Variants in SACS observed in about 807,000 individuals in gnomAD.
SACS encodes the protein sacsin.
Under a neutral mutation model 348.0 loss-of-function variants are expected in SACS, and 197 were observed. The ratio of observed to expected loss-of-function variants is 0.57; its 90% CI spans 0.50 to 0.64. The LOEUF is 0.64. Among genes scored for constraint, SACS ranks in the 30% least tolerant of loss-of-function variants. The probability of loss-of-function intolerance (pLI) is 0.00; values close to 1 mark genes in which losing one functional copy is unlikely to be tolerated. For synonymous variants in SACS, 1,985 were observed against 1,910.6 expected, an observed-to-expected ratio of 1.04 and a Z score of -1.02; for missense variants, 4,999 against 5,360.8, an observed-to-expected ratio of 0.93 and a Z score of 2.11.
intron 9 of SACS, among the ~76,000 whole-genome samples, chr13:23,342,771 C>T (rs1869351434): frequency 6.6e-6 from 1 of 152,220 alleles, no homozygotes; most frequent in South Asian, 2.1e-4. Flanking sequence ...GTCTCAGTTG[C>T]AGCTGACCAG....
At chr13:23,377,626 G>A (rs935893260) in intron 2 of SACS, among the ~76,000 whole-genome samples, 7 of 152,062 alleles carry the variant, frequency 4.6e-5, no homozygotes, top group African/African-American at 1.7e-4. Flanking sequence ...ATTCGCTCTC[G>A]GAGCTCTCCT....
At chr13:23,400,687 TGTGATTACAGGC>T (rs1872936378) in intron 2 of SACS, among the ~76,000 whole-genome samples, 1 of 152,248 alleles carries the variant, frequency 6.6e-6, no homozygotes, top group Non-Finnish European at 1.5e-5. Flanking sequence ...CCCAAAGTGC[TGTGATTACAGGC>T]GTGAGCCACC....
Position 23,338,476 on chromosome 13 carries a change from T to C in SACS, c.5400A>G (p.Gln1800=). The change falls in exon 10 of 10, where the codon CAA becomes CAG. Residue 1800 remains glutamine (Q), a synonymous_variant. Transcript: ENST00000382292. ...ACAACTCATCTGATGGCTTTTTTGA[T>C]TGGCCAGACTTAGCCATTTCAAAGA... is the stretch of plus-strand genomic sequence containing the variant. The part of the protein sequence containing the change: ...AALFEMAKSG[Q]SKKPSDELSQ... 6.2e-7 allele frequency: 1 copy of C among 1,614,188 alleles called. No individual in the cohort carries two copies. Among genetic ancestry groups the C allele is most frequent in the African/African-American group, 1.3e-5 (1 of 75,058 alleles).
chr13:23,329,713 C>A lies in SACS; in HGVS notation c.*423G>T. ...ATCCACTTAAAAAAATGACAGACTA[C>A]AAAGACTTAATTCCCCTTATGTTTA... is the stretch of plus-strand genomic sequence containing the variant. On this transcript the variant is annotated 3_prime_UTR_variant, in exon 10 of 10. Transcript: ENST00000382292. 1 of 509,936 alleles carries A rather than the reference C, an allele frequency of 2.0e-6. No homozygotes were observed. The highest frequency in any genetic ancestry group is 3.4e-6 in the Non-Finnish European group (1 of 292,828). 31.6% of individuals were successfully genotyped at this position (509,936 alleles called of 1,614,324 possible).
At chr13:23,430,509 A>G (rs1182805281) in intron 1 of SACS, among the ~76,000 whole-genome samples, 1 of 152,192 alleles carries the variant, frequency 6.6e-6, no homozygotes, top group Non-Finnish European at 1.5e-5. Context: ...TTGTAATCCT[A>G]TCAGGGTTTT....
In SACS at chr13:23,331,045, A is replaced by C. The variant is rs1298221924; in HGVS notation, c.12831T>G (p.Pro4277=). 8.7e-6 allele frequency: 14 copies of C among 1,613,964 alleles called. No homozygotes were observed. In the Admixed American group the frequency reaches 2.3e-4, roughly 27 times the overall value. ...GGCTCTCTCTACCAGAGAAAAGAGG[A>C]GGAATGCTTCTCAGGCCAGGGGTGA... is the stretch of plus-strand genomic sequence containing the variant. ...EFLTPGLRSI[P]PLFSGRESHK... Residue 4277 remains proline (P), a synonymous_variant, in exon 10 of 10, where the codon CCT becomes CCG. Transcript: ENST00000382292.
intron 6 of SACS, among the ~76,000 whole-genome samples, chr13:23,359,995 A>AGTGGG (rs1321376183): frequency 6.6e-6 from 1 of 152,202 alleles, no homozygotes; most frequent in African/African-American, 2.4e-5. Context: ...TGTGGAGTGG[A>AGTGGG]GTGGGGACTC....
intron 2 of SACS, among the ~76,000 whole-genome samples, chr13:23,392,307 A>G (rs1042554552): frequency 3.3e-5 from 5 of 152,214 alleles, no homozygotes; most frequent in Admixed American, 6.5e-5. Flanking sequence ...GAGGGATGAC[A>G]GTGGCAAAAA....
At chr13:23,393,437 C>G (rs1464550271) in intron 2 of SACS, among the ~76,000 whole-genome samples, 1 of 152,128 alleles carries the variant, frequency 6.6e-6, no homozygotes, top group Non-Finnish European at 1.5e-5. Flanking sequence ...AGCCCACGTC[C>G]TCCCCTGTCC....
intron 9 of SACS, among the ~76,000 whole-genome samples, chr13:23,345,419 A>G (rs927642805): frequency 1.3e-5 from 2 of 152,236 alleles, no homozygotes; most frequent in Non-Finnish European, 2.9e-5. Flanking sequence ...GGCCCAGCAT[A>G]AAAGTCCAGC....
chr13:23,420,518 G>C lies in SACS; in HGVS notation c.-501-8778C>G, dbSNP rs893216509. On this transcript the variant is annotated intron_variant, in intron 1 of 9. Transcript: ENST00000382292. ...CTAAAGTCTACCTAGAATCCAGTGT[G>C]TACCTTGGGCCTAATGTCCACCTGT... Among the ~76,000 whole-genome samples, 8 of 151,112 alleles carry C rather than the reference G, an allele frequency of 5.3e-5. No homozygotes were observed. In the East Asian group the frequency reaches 1.6e-3, roughly 30 times the overall value.
chr13:23,366,663 C>G (rs1475129937), intron 5 of SACS, among the ~76,000 whole-genome samples: 1 of 152,110 alleles, frequency 6.6e-6, no homozygotes, highest in African/African-American at 2.4e-5. Context: ...CTTTAGGGAG[C>G]AGAGAGGCAG....
chr13:23,349,707 T>C (rs931902697), intron 9 of SACS, among the ~76,000 whole-genome samples: 4 of 152,142 alleles, frequency 2.6e-5, no homozygotes, highest in African/African-American at 9.7e-5. Flanking sequence ...TTTTCTGTAA[T>C]CAAATCCTGG....
Position 23,350,808 on chromosome 13 carries a change from A to G in SACS, c.2185+2977T>C, listed in dbSNP as rs186895336. 1.4e-3 allele frequency among the ~76,000 whole-genome samples: 211 copies of G among 152,282 alleles called. 1 individual carries two copies. The highest frequency in any genetic ancestry group is 4.9e-3 in the African/African-American group (204 of 41,558). On this transcript the variant is annotated intron_variant, in intron 9 of 9. Coordinates refer to ENST00000382292, the MANE Select transcript of SACS (RefSeq NM_014363.6). ...TCTCCTGTACTCACTAATTCCCCCAATAGGCCCCATACCACCAGAAAGCAA... is the reference window on the plus strand; with the variant it reads ...TCTCCTGTACTCACTAATTCCCCCAGTAGGCCCCATACCACCAGAAAGCAA...
At position 23,332,497 on chromosome 13, in the gene SACS, C is replaced by G. The variant is rs754896709; in HGVS notation, c.11379G>C (p.Gly3793=). The part of the protein sequence containing the change: ...EKREFRFQLR[G]VAFVMVEDGW... ...CATCTTCTACCATCACAAAAGCAACCCCTCGCAACTGAAAACGAAATTCCC... is the reference window on the plus strand; with the variant it reads ...CATCTTCTACCATCACAAAAGCAACGCCTCGCAACTGAAAACGAAATTCCC... The change falls in exon 10 of 10, where the codon GGG becomes GGC. Residue 3793 remains glycine (G), a synonymous_variant. Coordinates refer to ENST00000382292, the MANE Select transcript of SACS (RefSeq NM_014363.6). 6.2e-7 allele frequency: 1 copy of G among 1,613,956 alleles called. No individual in the cohort carries two copies. Among genetic ancestry groups the G allele is most frequent in the Non-Finnish European group, 8.5e-7 (1 of 1,179,892 alleles).
intron 9 of SACS, among the ~76,000 whole-genome samples, chr13:23,343,007 A>AATAAT (rs1869366163): frequency 6.6e-6 from 1 of 152,208 alleles, no homozygotes; most frequent in Non-Finnish European, 1.5e-5. Context: ...ACTTATTATT[A>AATAAT]AAGTGTGCTC....
At chr13:23,413,616 T>G (rs1290908439) in intron 1 of SACS, among the ~76,000 whole-genome samples, 2 of 152,206 alleles carry the variant, frequency 1.3e-5, no homozygotes, top group Non-Finnish European at 2.9e-5. Context: ...ACTGATTACA[T>G]TATCAGTTCT....
chr13:23,417,007 T>C (rs143478975), intron 1 of SACS, among the ~76,000 whole-genome samples: 274 of 152,200 alleles, frequency 1.8e-3, no homozygotes, highest in Non-Finnish European at 3.1e-3. Flanking sequence ...ATAATAGATT[T>C]TTTCAAGATT....
At chr13:23,375,538 G>A (rs919578790) in intron 2 of SACS, 6 of 1,071,254 alleles carry the variant, frequency 5.6e-6, no homozygotes, top group Non-Finnish European at 6.7e-6. Context: ...GGCGGCCGAG[G>A]AGCAGGCGGG....
Sources: gnomAD v4.1 joint callset for allele counts (sites outside exome capture counted in the v4.1 genomes callset) on GRCh38, gnomAD v4.1.1 for gene constraint, MANE v1.5 for transcripts, NCBI Gene and HGNC (gene_info 2026-07-23, HGNC 2026-07-21) for gene names.